TCEA2: variants seen among roughly 807,000 people sequenced by gnomAD.
TCEA2 encodes transcription elongation factor A protein 2.
A neutral mutation model predicts 40.8 loss-of-function variants in TCEA2; 21 were observed. The ratio of observed to expected loss-of-function variants is 0.51; its 90% CI spans 0.36 to 0.74. The LOEUF is 0.74. TCEA2 is among the 30% of genes least tolerant of loss of function. The pLI, the probability that TCEA2 is intolerant of heterozygous loss-of-function variation, is 0.00. For missense variants in TCEA2, 326 were observed against 426.5 expected, an observed-to-expected ratio of 0.76 and a Z score of 2.08; for synonymous variants, 165 against 162.7, an observed-to-expected ratio of 1.01 and a Z score of -0.11.
In TCEA2 at chr20:64,067,035, G is replaced by A. The variant is rs1239488898; in HGVS notation, c.241+15G>A. ...GAAGCTCCTGGGTGCGGCTCAGGCG[G>A]TGCCCACTGAGTGCTGGGGCAGGGG... is the stretch of plus-strand genomic sequence containing the variant. On this transcript the variant is annotated intron_variant, in intron 3 of 9. Coordinates refer to ENST00000343484, the MANE Select transcript of TCEA2 (RefSeq NM_003195.6). The A allele has an allele frequency of 3.1e-6, 5 of 1,602,966 alleles. No homozygotes were observed. In the Admixed American group the frequency reaches 8.5e-5, roughly 27 times the overall value.
At chr20:64,070,056 A>G (rs1225851470) in intron 6 of TCEA2, 3 of 892,426 alleles carry the variant, frequency 3.4e-6, no homozygotes. Flanking sequence ...TGTAGCCTGA[A>G]GCTGGGTCTC....
At chr20:64,058,462 G>A (rs989817038), upstream of TCEA2, among the ~76,000 whole-genome samples, 1 of 152,210 alleles carries the variant, frequency 6.6e-6, no homozygotes, top group African/African-American at 2.4e-5. The surrounding 1 kb of genome is among the most constrained non-coding windows in gnomAD (Gnocchi z 6.7). Flanking sequence ...GCTCTGTCTT[G>A]TGTGGCCATG....
intron 3 of TCEA2, 66 bp from the exon 4 acceptor site, chr20:64,067,978 TTGG>T: frequency 1.6e-6 from 2 of 1,237,300 alleles, no homozygotes; most frequent in Admixed American, 2.1e-5. Context: ...AGGCTGTACC[TTGG>T]TGGTGGTCTG....
Position 64,072,164 on chromosome 20 carries a change from T to G in TCEA2, c.892-8T>G. The G allele has an allele frequency of 6.2e-7, 1 of 1,613,696 alleles. No individual in the cohort carries two copies. The highest frequency in any genetic ancestry group is 1.1e-5 in the South Asian group (1 of 91,022). Reference sequence around the variant, plus strand: ...ACAAGGCTGGAGGCCTCACCCCCTTTCTCGCAGTTCTGCTGACCCCTCGTG... The same window carrying G: ...ACAAGGCTGGAGGCCTCACCCCCTTGCTCGCAGTTCTGCTGACCCCTCGTG... On this transcript the variant is annotated splice_polypyrimidine_tract_variant and splice_region_variant and intron_variant, in intron 9 of 9. Coordinates refer to ENST00000343484, the MANE Select transcript of TCEA2 (RefSeq NM_003195.6).
chr20:64,067,057 G>T (rs777394365), intron 3 of TCEA2, 37 bp downstream of exon 3: 1 of 1,571,644 alleles, frequency 6.4e-7, no homozygotes, highest in East Asian at 2.3e-5. Flanking sequence ...TGCTGGGGCA[G>T]GGGTCCCAGA....
intron 3 of TCEA2, among the ~76,000 whole-genome samples, 162 bp downstream of exon 3, chr20:64,067,182 G>C (rs985115703): frequency 1.3e-5 from 2 of 152,238 alleles, no homozygotes; most frequent in Non-Finnish European, 2.9e-5. Context: ...CCAGCTTGGG[G>C]CTGGCAGTGG....
intron 1 of TCEA2, among the ~76,000 whole-genome samples, chr20:64,057,977 TG>T (rs1478227620): frequency 6.6e-6 from 1 of 152,190 alleles, no homozygotes; most frequent in Non-Finnish European, 1.5e-5. Flanking sequence ...TCACAGGCTC[TG>T]GGGCCAGTCA....
chr20:64,063,409 C>A, intron 1 of TCEA2, 25 bp downstream of exon 1: 1 of 1,540,960 alleles, frequency 6.5e-7, no homozygotes, highest in Non-Finnish European at 8.7e-7. Flanking sequence ...CCGCCAGGAC[C>A]CCGGGAACCC....
upstream of TCEA2, among the ~76,000 whole-genome samples, chr20:64,056,275 G>A (rs1174342309): frequency 6.6e-6 from 1 of 152,170 alleles, no homozygotes; most frequent in Non-Finnish European, 1.5e-5. Flanking sequence ...GTGCTGCAGT[G>A]GCATAGCCAG....
At chr20:64,070,721 CTCT>C (rs2059809215) in intron 8 of TCEA2, 86 bp downstream of exon 8, 1 of 1,444,084 alleles carries the variant, frequency 6.9e-7, no homozygotes, top group Admixed American at 2.8e-5. Flanking sequence ...CTATTCCCGC[CTCT>C]GCTGCATGAA....
chr20:64,064,045 C>G (rs1292889676), intron 1 of TCEA2: 1 of 152,442 alleles, frequency 6.6e-6, no homozygotes, highest in African/African-American at 2.4e-5. Context: ...ACCTGTCTTG[C>G]CTGTGGGCCC....
chr20:64,060,075 T>G (rs1363522644), upstream of TCEA2, among the ~76,000 whole-genome samples: 2 of 152,206 alleles, frequency 1.3e-5, no homozygotes, highest in East Asian at 3.9e-4. Flanking sequence ...CCTTGATGCT[T>G]CTGGGACGTT....
At chr20:64,072,125 G>GA (rs2059853281) in intron 9 of TCEA2, 47 bp from the exon 10 acceptor site, 3 of 1,611,762 alleles carry the variant, frequency 1.9e-6, no homozygotes, top group Admixed American at 1.7e-5. Context: ...CACTCTGGGG[G>GA]ATCTCATGTG....
chr20:64,061,241 C>T (rs553452959), upstream of TCEA2, among the ~76,000 whole-genome samples: 2 of 151,282 alleles, frequency 1.3e-5, no homozygotes, highest in East Asian at 3.9e-4. Context: ...GCTGGGATTA[C>T]AGGCATGTGC....
intron 8 of TCEA2, among the ~76,000 whole-genome samples, chr20:64,071,067 C>T (rs913978340): frequency 2.0e-5 from 3 of 151,966 alleles, no homozygotes; most frequent in Admixed American, 6.5e-5. Context: ...GAGGGGAGTG[C>T]GGCTGGGTGC....
rs145528387 is a variant in TCEA2, at chr20:64,066,827, C to T, written c.136-88C>T. 3.0e-4 allele frequency: 407 copies of T among 1,340,722 alleles called. No homozygotes were observed. The African/African-American group carries it at 5.3e-3, about 18-fold the overall frequency. 83.1% of individuals were successfully genotyped at this position (1,340,722 alleles called of 1,614,324 possible). A position where few individuals can be genotyped will look rare whatever the true frequency, so the allele number is the denominator to read the frequency against. On this transcript the variant is annotated intron_variant, in intron 2 of 9. Transcript: ENST00000343484. Reference sequence around the variant, plus strand: ...TCCCTGGGAGGTCCCGGGCTCCTGTCCTGTGGGGGCCACCAAGGCTCTGCC... The same window carrying T: ...TCCCTGGGAGGTCCCGGGCTCCTGTTCTGTGGGGGCCACCAAGGCTCTGCC...
chr20:64,059,193 CA>C (rs60812317), upstream of TCEA2, among the ~76,000 whole-genome samples: 50,889 of 90,938 alleles, frequency 0.56, 11,850 homozygotes, highest in East Asian at 0.67. Flanking sequence ...AACTCTGTCT[CA>C]AAAAAAAAAA....
chr20:64,062,559 T>A (rs967441335), upstream of TCEA2: 2 of 152,132 alleles, frequency 1.3e-5, no homozygotes, highest in African/African-American at 4.8e-5. Context: ...TGCTCCCTGG[T>A]AGCTGACTTT....
upstream of TCEA2, among the ~76,000 whole-genome samples, chr20:64,055,707 C>T (rs1655889707): frequency 6.6e-6 from 1 of 152,098 alleles, no homozygotes; most frequent in Non-Finnish European, 1.5e-5. This position sits in a 1 kb window ranked among gnomAD's most constrained non-coding sequence, Gnocchi z 4.0. Flanking sequence ...TCTGCCTCAG[C>T]TCAGCTGCTA....
Sources: gnomAD v4.1 joint callset for allele counts (sites outside exome capture counted in the v4.1 genomes callset) on GRCh38, gnomAD v4.1.1 for gene constraint, Gnocchi (gnomAD v3.1) non-coding constraint, MANE v1.5 for transcripts, NCBI Gene and HGNC (gene_info 2026-07-23, HGNC 2026-07-21) for gene names.